The following MAOB variants were observed in gnomAD, a reference collection of about 807,000 sequenced individuals.
MAOB encodes the protein amine oxidase [flavin-containing] B.
A neutral mutation model predicts 41.9 loss-of-function variants in MAOB; 15 were observed. The ratio of observed to expected loss-of-function variants is 0.36; its 90% CI spans 0.24 to 0.55. The LOEUF (loss-of-function observed/expected upper bound fraction) is 0.55, where lower values mean the gene tolerates loss of function less well. Ranked by LOEUF, MAOB falls within the 20% of genes least tolerant of loss-of-function variation. The pLI, the probability that MAOB is intolerant of heterozygous loss-of-function variation, is 0.86. For missense variants in MAOB, 345 were observed against 398.7 expected (o/e 0.87, Z 1.15); for synonymous variants, 167 against 144.2 (o/e 1.16, Z -1.13).
intron 5 of MAOB, 40 bp downstream of exon 5, chrX:43,802,132 G>A (rs1453598083): frequency 9.5e-7 from 1 of 1,057,133 alleles, no homozygotes. Context: ...AACCTAAAAG[G>A]TGGTCACAGT....
chrX:43,830,817 C>T (rs1480318658), intron 3 of MAOB, among the ~76,000 whole-genome samples: 2 of 112,152 alleles, frequency 1.8e-5, no homozygotes, highest in Admixed American at 1.9e-4. Flanking sequence ...TTAGGATCTT[C>T]AGTGTATCAC....
chrX:43,871,309 A>G (rs1033455373), intron 1 of MAOB, among the ~76,000 whole-genome samples: 2 of 111,356 alleles, frequency 1.8e-5, no homozygotes, highest in African/African-American at 6.5e-5. Flanking sequence ...CTATACAAAG[A>G]GTGAAAGTGA....
intron 3 of MAOB, among the ~76,000 whole-genome samples, chrX:43,818,322 T>G (rs1225712606): frequency 2.7e-5 from 3 of 112,522 alleles, no homozygotes; most frequent in African/African-American, 9.7e-5. Context: ...ATAATGTTGC[T>G]TTTTGAATAT....
At chrX:43,805,413 A>G (rs956048670) in intron 3 of MAOB, among the ~76,000 whole-genome samples, 4 of 111,479 alleles carry the variant, frequency 3.6e-5, no homozygotes, top group African/African-American at 1.3e-4. Flanking sequence ...AAACATTCCC[A>G]TCATTCCAGA....
intron 3 of MAOB, among the ~76,000 whole-genome samples, chrX:43,803,704 C>G (rs1036285671): frequency 1.8e-5 from 2 of 111,850 alleles, no homozygotes; most frequent in African/African-American, 3.3e-5. Context: ...TGGAGTTAAC[C>G]TAAGGAAATC....
chrX:43,803,539 C>T (rs1216709274), intron 3 of MAOB, 135 bp from the exon 4 acceptor site: 1 of 889,949 alleles, frequency 1.1e-6, no homozygotes. Context: ...CTTTTTAGCT[C>T]CTTGTGTCCT....
intron 1 of MAOB, among the ~76,000 whole-genome samples, chrX:43,876,580 C>A (rs1602040350): frequency 8.9e-6 from 1 of 112,221 alleles, no homozygotes. Flanking sequence ...GATTTGAGCC[C>A]AAGTCCCAGG....
chrX:43,827,467 T>C (rs1345934088), intron 3 of MAOB, among the ~76,000 whole-genome samples: 4 of 111,824 alleles, frequency 3.6e-5, no homozygotes, highest in Non-Finnish European at 5.6e-5. Flanking sequence ...TTCTCCAGTA[T>C]GGCAGTCTCA....
chrX:43,793,440 C>G lies in MAOB; in HGVS notation c.907G>C (p.Glu303Gln), dbSNP rs1323303188. The G allele has an allele frequency of 8.3e-7, 1 of 1,198,491 alleles. No homozygotes were observed. The highest frequency in any genetic ancestry group is 1.9e-5 in the South Asian group (1 of 54,003). Residue 303 changes from glutamate (E) to glutamine (Q), a missense_variant, in exon 8 of 15, where the codon GAG becomes CAG. Physicochemically the swap from Glu to Gln is conservative, Grantham distance 29. Coordinates refer to ENST00000378069, the MANE Select transcript of MAOB (RefSeq NM_000898.5). ...SVIKCIVYYK[E>Q]PFWRKKDYCG... ...TCACCCTTTTTCCTCCAGAAAGGCTCTTTATAATAAACTATACACTTGATG... is the reference window on the plus strand; with the variant it reads ...TCACCCTTTTTCCTCCAGAAAGGCTGTTTATAATAAACTATACACTTGATG...
chrX:43,851,893 C>T (rs1198187942), intron 1 of MAOB, among the ~76,000 whole-genome samples: 2 of 111,773 alleles, frequency 1.8e-5, no homozygotes, highest in Non-Finnish European at 3.8e-5. Context: ...ATGCCAAAGC[C>T]TGGCCCTGCT....
intron 1 of MAOB, 97 bp from the exon 2 acceptor site, chrX:43,843,861 C>T (rs1225200393): frequency 1.4e-5 from 15 of 1,099,141 alleles, no homozygotes; most frequent in Non-Finnish European, 6.0e-6. Flanking sequence ...TGCTGGCTCA[C>T]GTGCACCGCC....
At chrX:43,830,623 T>C (rs2035008449) in intron 3 of MAOB, among the ~76,000 whole-genome samples, 1 of 111,895 alleles carries the variant, frequency 8.9e-6, no homozygotes, top group Non-Finnish European at 1.9e-5. Context: ...AAGAAGCCCA[T>C]GAAAATATTT....
intron 3 of MAOB, among the ~76,000 whole-genome samples, chrX:43,832,884 A>G (rs1316946726): frequency 1.8e-5 from 2 of 111,810 alleles, no homozygotes; most frequent in African/African-American, 6.5e-5. Flanking sequence ...TGAGGAGGAT[A>G]CAGGGCTTTG....
intron 1 of MAOB, among the ~76,000 whole-genome samples, chrX:43,861,840 T>C (rs1167731471): frequency 1.8e-5 from 2 of 109,287 alleles, no homozygotes; most frequent in African/African-American, 6.8e-5. Flanking sequence ...ATTTTAGCAT[T>C]ATGCTCCAGC....
At chrX:43,821,596 G>A (rs908730183) in intron 3 of MAOB, among the ~76,000 whole-genome samples, 2 of 111,801 alleles carry the variant, frequency 1.8e-5, no homozygotes, top group African/African-American at 6.5e-5. Context: ...GATGGATGGG[G>A]ATAGAGAGGG....
At chrX:43,823,165 C>CTTTTTTT (rs1181398583) in intron 3 of MAOB, among the ~76,000 whole-genome samples, 5 of 60,103 alleles carry the variant, frequency 8.3e-5, no homozygotes, top group African/African-American at 1.4e-4. Flanking sequence ...AACAGATGGT[C>CTTTTTTT]TTTTTTTTTT....
intron 1 of MAOB, among the ~76,000 whole-genome samples, chrX:43,868,655 C>T (rs779465289): frequency 9.1e-6 from 1 of 110,175 alleles, no homozygotes; most frequent in Non-Finnish European, 1.9e-5. Flanking sequence ...AATATCATAC[C>T]ACCCATGAAT....
chrX:43,808,688 A>AGAC lies in MAOB; in HGVS notation c.280-5285_280-5284insGTC, dbSNP rs1569218490. 1.0e-4 allele frequency among the ~76,000 whole-genome samples: 10 copies of AGAC among 99,472 alleles called. 1 individual carries two copies. In the South Asian group the frequency reaches 3.7e-3, roughly 36 times the overall value. The allele number at this position is 99,472 out of a possible 115,157, so 86.4% of individuals were successfully genotyped here. On this transcript the variant is annotated intron_variant, in intron 3 of 14. Coordinates refer to ENST00000378069, the MANE Select transcript of MAOB (RefSeq NM_000898.5). ...TATCTATATCTATATCTATATCTAT[A>AGAC]TCTACACATAGACACACACACACAC...
chrX:43,767,154 C>T lies in MAOB; in HGVS notation c.*312G>A. 1 of 241,698 alleles carries T rather than the reference C, an allele frequency of 4.1e-6. No individual in the cohort carries two copies. The highest frequency in any genetic ancestry group is 7.2e-5 in the East Asian group (1 of 13,924). The allele number at this position is 241,698 out of a possible 1,213,427, so 19.9% of individuals were successfully genotyped here. ...CATAATGGTAGGAAAAAATTCATTC[C>T]TTGTGCATGGGCAAGGTGTGTTGTG... On this transcript the variant is annotated 3_prime_UTR_variant, in exon 15 of 15. Transcript: ENST00000378069.
Sources: allele counts gnomAD v4.1 joint callset (sites outside exome capture counted in the v4.1 genomes callset), GRCh38; gene constraint gnomAD v4.1.1; transcripts MANE v1.5; gene names NCBI Gene and HGNC (gene_info 2026-07-23, HGNC 2026-07-21).